The following EGFLAM variants were observed in gnomAD, a reference collection of about 807,000 sequenced individuals.
The protein encoded by EGFLAM is pikachurin.
A neutral mutation model predicts 113.1 loss-of-function variants in EGFLAM; 79 were observed. The observed-to-expected ratio is 0.70, with a 90% CI of 0.58 to 0.84. The LOEUF (loss-of-function observed/expected upper bound fraction) is 0.84, where lower values mean the gene tolerates loss of function less well. Among genes scored for constraint, EGFLAM ranks in the 40% least tolerant of loss-of-function variants. The pLI, the probability that EGFLAM is intolerant of heterozygous loss-of-function variation, is 0.00. For synonymous variants in EGFLAM, 504 were observed against 487.6 expected (o/e 1.03, Z -0.44); for missense variants, 1,265 against 1,291.6 (o/e 0.98, Z 0.32).
chr5:38,438,887 C>T (rs1201990711), intron 17 of EGFLAM, among the ~76,000 whole-genome samples: 1 of 152,122 alleles, frequency 6.6e-6, no homozygotes, highest in East Asian at 1.9e-4. Context: ...GAAACCTTGC[C>T]CAAATATGCA....
intron 6 of EGFLAM, among the ~76,000 whole-genome samples, chr5:38,405,700 A>G (rs1356576673): frequency 6.6e-6 from 1 of 152,252 alleles, no homozygotes; most frequent in Non-Finnish European, 1.5e-5. Context: ...GTACACAGGT[A>G]CAGGAGTTTC....
At chr5:38,296,731 G>T (rs191030314) in intron 1 of EGFLAM, among the ~76,000 whole-genome samples, 1 of 151,176 alleles carries the variant, frequency 6.6e-6, no homozygotes, top group East Asian at 1.9e-4. Flanking sequence ...ACATACATAT[G>T]TATGTAATTT....
At chr5:38,355,389 C>T (rs1739739700) in intron 5 of EGFLAM, among the ~76,000 whole-genome samples, 1 of 152,132 alleles carries the variant, frequency 6.6e-6, no homozygotes, top group East Asian at 1.9e-4. Context: ...AGGAGCACAG[C>T]ATGTGTCTGA....
chr5:38,405,559 C>G (rs181020388), intron 6 of EGFLAM, among the ~76,000 whole-genome samples: 2 of 152,096 alleles, frequency 1.3e-5, no homozygotes, highest in Non-Finnish European at 2.9e-5. Context: ...TATAGATATA[C>G]TATAAATAAT....
chr5:38,258,641 C>A lies in EGFLAM; in HGVS notation c.-114C>A. On this transcript the variant is annotated 5_prime_UTR_variant, in exon 1 of 22. Transcript: ENST00000322350. ...CGGGCCCAGCCCTCGCAGCCCCCCA[C>A]CTCCTCGCCCCGGCCCGGGGATCCG... 3.2e-6 allele frequency: 4 copies of A among 1,239,590 alleles called. No individual in the cohort carries two copies. The South Asian group carries it at 3.9e-5, about 12-fold the overall frequency. 76.8% of individuals were successfully genotyped at this position (1,239,590 alleles called of 1,614,324 possible).
At chr5:38,397,786 AC>A (rs200891322) in intron 6 of EGFLAM, among the ~76,000 whole-genome samples, 1,581 of 151,700 alleles carry the variant, frequency 0.01, 11 homozygotes, top group Middle Eastern at 0.048. Flanking sequence ...GACTCTCCCT[AC>A]CCCCACCCCA....
chr5:38,288,136 T>C (rs930072152), intron 1 of EGFLAM, among the ~76,000 whole-genome samples: 1 of 152,228 alleles, frequency 6.6e-6, no homozygotes, highest in African/African-American at 2.4e-5. Context: ...AATTTCTTAA[T>C]ATAGATTTTT....
intron 1 of EGFLAM, among the ~76,000 whole-genome samples, chr5:38,302,709 CAAAAA>C (rs56012054): frequency 1.7e-5 from 2 of 115,446 alleles, no homozygotes; most frequent in Non-Finnish European, 3.8e-5. Context: ...GTCTGAGAAT[CAAAAA>C]AAAAAAAAAA....
At position 38,325,676 on chromosome 5, in the gene EGFLAM, T is replaced by C. The variant is rs79470481; in HGVS notation, c.98-11844T>C. On this transcript the variant is annotated intron_variant, in intron 1 of 21. Coordinates refer to ENST00000322350, the MANE Select transcript of EGFLAM (RefSeq NM_152403.4). ...AAATAAATTCAAGTGGTAAAGATAC[T>C]GGCGCACTATATGGGTAAACCATAA... 2.2e-3 allele frequency among the ~76,000 whole-genome samples: 342 copies of C among 152,324 alleles called. 9 individuals carry two copies. The East Asian group carries it at 0.042, about 19-fold the overall frequency.
chr5:38,454,292 T>A (rs571960474), intron 19 of EGFLAM, among the ~76,000 whole-genome samples: 102 of 152,252 alleles, frequency 6.7e-4, no homozygotes, highest in Middle Eastern at 3.4e-3. Context: ...CCCGGGTGTT[T>A]CCGGGACCCA....
intron 1 of EGFLAM, among the ~76,000 whole-genome samples, chr5:38,295,016 G>A (rs373753766): frequency 3.3e-5 from 5 of 152,096 alleles, no homozygotes; most frequent in East Asian, 1.9e-4. Context: ...TAGTGAAGAC[G>A]GGGTTTCTCC....
intron 3 of EGFLAM, among the ~76,000 whole-genome samples, chr5:38,339,042 C>T (rs1361787301): frequency 6.6e-6 from 1 of 152,174 alleles, no homozygotes; most frequent in African/African-American, 2.4e-5. Flanking sequence ...TGCAAGAAAA[C>T]TGCCACCTTA....
chr5:38,349,087 G>T (rs1739549212), intron 3 of EGFLAM, among the ~76,000 whole-genome samples: 1 of 152,134 alleles, frequency 6.6e-6, no homozygotes, highest in African/African-American at 2.4e-5. Flanking sequence ...TTAAAAAATT[G>T]TAGGGATGCC....
chr5:38,278,774 C>A (rs1376459912), intron 1 of EGFLAM, among the ~76,000 whole-genome samples: 1 of 150,718 alleles, frequency 6.6e-6, no homozygotes, highest in Non-Finnish European at 1.5e-5. Context: ...CAGGCATGAG[C>A]CACCGTGCCT....
chr5:38,266,584 A>G (rs545883647), intron 1 of EGFLAM, among the ~76,000 whole-genome samples: 2 of 152,344 alleles, frequency 1.3e-5, no homozygotes, highest in South Asian at 2.1e-4. Flanking sequence ...ATTCTTTTCT[A>G]TAGGTATTAA....
At chr5:38,359,075 C>A (rs1228444476) in intron 5 of EGFLAM, among the ~76,000 whole-genome samples, 2 of 152,074 alleles carry the variant, frequency 1.3e-5, no homozygotes, top group African/African-American at 4.8e-5. Context: ...ATCTGAGAAA[C>A]CTTCCCCCTT....
intron 9 of EGFLAM, among the ~76,000 whole-genome samples, 171 bp from the exon 10 acceptor site, chr5:38,408,833 T>C (rs1438589983): frequency 6.6e-6 from 1 of 152,192 alleles, no homozygotes; most frequent in Non-Finnish European, 1.5e-5. Flanking sequence ...TTATTGAAAA[T>C]GAACTGGGAC....
intron 1 of EGFLAM, among the ~76,000 whole-genome samples, chr5:38,317,323 G>A (rs1430574058): frequency 6.6e-6 from 1 of 152,126 alleles, no homozygotes; most frequent in Non-Finnish European, 1.5e-5. Flanking sequence ...CTGCCCAGGA[G>A]GGAGTAGGGC....
intron 1 of EGFLAM, among the ~76,000 whole-genome samples, chr5:38,288,406 G>A (rs546930067): frequency 1.3e-5 from 2 of 152,274 alleles, no homozygotes; most frequent in Admixed American, 6.5e-5. Flanking sequence ...GGTCTCCACT[G>A]TGATATAATC....
Sources: gnomAD v4.1 joint callset for allele counts (sites outside exome capture counted in the v4.1 genomes callset) on GRCh38, gnomAD v4.1.1 for gene constraint, MANE v1.5 for transcripts, NCBI Gene and HGNC (gene_info 2026-07-23, HGNC 2026-07-21) for gene names.